Variants in MYO16 observed in about 807,000 individuals in gnomAD.
MYO16 encodes the protein myosin XVI.
A neutral mutation model predicts 205.3 loss-of-function variants in MYO16; 94 were observed. The observed-to-expected ratio is 0.46, with a 90% CI of 0.39 to 0.54. The LOEUF (loss-of-function observed/expected upper bound fraction) is 0.54, where lower values mean the gene tolerates loss of function less well. Ranked by LOEUF, MYO16 falls within the 20% of genes least tolerant of loss-of-function variation. The probability of loss-of-function intolerance (pLI) is 0.00; values close to 1 mark genes in which losing one functional copy is unlikely to be tolerated. For synonymous variants in MYO16, 988 were observed against 954.0 expected (o/e 1.04, Z -0.66); for missense variants, 2,315 against 2,387.5 (o/e 0.97, Z 0.63).
chr13:108,857,009 C>T (rs922796539), intron 11 of MYO16, among the ~76,000 whole-genome samples: 3 of 152,208 alleles, frequency 2.0e-5, no homozygotes, highest in African/African-American at 7.2e-5. Flanking sequence ...ATGCCCTGAA[C>T]AGTCACTGAG....
intron 2 of MYO16, among the ~76,000 whole-genome samples, chr13:108,679,747 AAAAT>A (rs1236572801): frequency 6.6e-6 from 1 of 150,986 alleles, no homozygotes; most frequent in East Asian, 1.9e-4. Context: ...ATAATAAATA[AAAAT>A]AAATAAAAAA....
intron 4 of MYO16, 144 bp downstream of exon 4, chr13:108,727,727 ATAAT>A: frequency 1.1e-6 from 1 of 894,630 alleles, no homozygotes; most frequent in East Asian, 2.7e-5. Flanking sequence ...AGAACACAAG[ATAAT>A]TAGAGACTAA....
At chr13:108,832,236 G>A (rs1273992389) in intron 9 of MYO16, among the ~76,000 whole-genome samples, 1 of 148,906 alleles carries the variant, frequency 6.7e-6, no homozygotes, top group African/African-American at 2.5e-5. Flanking sequence ...TCCGCCTCCT[G>A]GGCTCAAGAG....
chr13:108,807,098 A>G (rs1165994842), intron 7 of MYO16, among the ~76,000 whole-genome samples: 1 of 152,228 alleles, frequency 6.6e-6, no homozygotes, highest in Non-Finnish European at 1.5e-5. Flanking sequence ...TAGACTTCAT[A>G]TGCTTGCAGT....
chr13:108,744,975 A>C (rs1046771694), intron 4 of MYO16, among the ~76,000 whole-genome samples: 1 of 152,222 alleles, frequency 6.6e-6, no homozygotes, highest in African/African-American at 2.4e-5. Context: ...GATTAGAACC[A>C]TAATATTAGA....
intron 24 of MYO16, chr13:109,048,779 A>T (rs1218709950): frequency 6.5e-6 from 1 of 153,224 alleles, no homozygotes; most frequent in Non-Finnish European, 1.5e-5. Flanking sequence ...TCGTAGCATC[A>T]AAAAGCTCCC....
At chr13:109,132,299 C>T (rs1876577633) in intron 31 of MYO16, among the ~76,000 whole-genome samples, 1 of 152,168 alleles carries the variant, frequency 6.6e-6, no homozygotes, top group African/African-American at 2.4e-5. Context: ...TCCAGCTGTC[C>T]CCTCCTTGGG....
At chr13:108,962,070 T>C (rs1056636142) in intron 18 of MYO16, among the ~76,000 whole-genome samples, 3 of 152,172 alleles carry the variant, frequency 2.0e-5, no homozygotes, top group African/African-American at 7.2e-5. Context: ...CGCTCCCAGA[T>C]TTTTAAAAAA....
chr13:108,632,410 G>A (rs1446449561), intron 1 of MYO16, among the ~76,000 whole-genome samples: 5 of 152,134 alleles, frequency 3.3e-5, no homozygotes, highest in African/African-American at 1.2e-4. Flanking sequence ...TGCAACATTA[G>A]CATCCCATGT....
chr13:109,117,446 A>G (rs8002359), intron 28 of MYO16, among the ~76,000 whole-genome samples: 2 of 144,330 alleles, frequency 1.4e-5, no homozygotes, highest in Non-Finnish European at 3.0e-5. Flanking sequence ...ATGTATATAT[A>G]TGTATATATA....
rs758137530 is a variant in MYO16, at chr13:109,127,339, G to A, written c.3840G>A (p.Ala1280=). The A allele has an allele frequency of 6.2e-6, 10 of 1,611,664 alleles. No homozygotes were observed. The highest frequency in any genetic ancestry group is 1.3e-5 in the African/African-American group (1 of 74,882). The change falls in exon 31 of 35, where the codon GCG becomes GCA. Residue 1280 remains alanine, a synonymous_variant. Transcript: ENST00000457511. This position sits in a 1 kb window ranked among gnomAD's most constrained non-coding sequence, Gnocchi z 4.2. ...HFHPSSMSVC[A]AVDGLGQCLV... is the part of the protein sequence containing the mutation. ...ACCCCAGCTCCATGTCAGTCTGCGC[G>A]GCCGTGGATGGCCTGGGCCAGTGCC...
intron 27 of MYO16, among the ~76,000 whole-genome samples, chr13:109,064,212 A>G (rs1026670347): frequency 2.0e-5 from 3 of 152,190 alleles, no homozygotes; most frequent in Admixed American, 6.5e-5. Context: ...TTTGCCTCTT[A>G]GCATGCAAAG....
intron 1 of MYO16, among the ~76,000 whole-genome samples, chr13:108,663,727 G>T (rs1262607084): frequency 1.3e-5 from 2 of 152,132 alleles, no homozygotes; most frequent in East Asian, 3.9e-4. Context: ...CTTCTTAAGA[G>T]TTACAAACTA....
intron 12 of MYO16, among the ~76,000 whole-genome samples, chr13:108,880,618 GA>G (rs1164509835): frequency 1.3e-5 from 2 of 152,114 alleles, no homozygotes; most frequent in Non-Finnish European, 2.9e-5. Context: ...ATTAAATAGG[GA>G]ATCCTTTCCC....
At chr13:108,786,716 G>A (rs1342139219) in intron 5 of MYO16, among the ~76,000 whole-genome samples, 1 of 152,196 alleles carries the variant, frequency 6.6e-6, no homozygotes, top group East Asian at 1.9e-4. Flanking sequence ...CTCTGTGAAA[G>A]CAAGGTAGGT....
chr13:108,838,770 G>A (rs1412120562), intron 9 of MYO16, among the ~76,000 whole-genome samples: 14 of 145,474 alleles, frequency 9.6e-5, no homozygotes, highest in East Asian at 2.0e-4. Flanking sequence ...ACACACAAAT[G>A]CACACACACA....
At chr13:109,019,985 T>C (rs1320163962) in intron 23 of MYO16, 74 bp downstream of exon 23, 5 of 1,432,164 alleles carry the variant, frequency 3.5e-6, no homozygotes, top group Non-Finnish European at 2.9e-6. Context: ...TCTAGAGTTA[T>C]TGATATTTTA....
At position 108,705,642 on chromosome 13, in the gene MYO16, T is replaced by A. The variant is rs149186901; in HGVS notation, c.293-7019T>A. Among the ~76,000 whole-genome samples, 422 of 152,238 alleles carry A rather than the reference T, an allele frequency of 2.8e-3. 1 individual carries two copies. Among genetic ancestry groups the A allele is most frequent in the African/African-American group, 9.8e-3 (407 of 41,546 alleles). On this transcript the variant is annotated intron_variant, in intron 2 of 34. Coordinates refer to ENST00000457511, the MANE Select transcript of MYO16 (RefSeq NM_001198950.3). ...ATATACAATTTTGTTCTATCTGCAG[T>A]TTCAAGCATACACTGGAGATCTTGG...
the MYO16 span, among the ~76,000 whole-genome samples, chr13:108,527,952 C>A: frequency 6.6e-6 from 1 of 152,178 alleles, no homozygotes; most frequent in Non-Finnish European, 1.5e-5. Flanking sequence ...GCTTTATGAT[C>A]TGGTATCTGT....
Sources: allele counts gnomAD v4.1 joint callset (sites outside exome capture counted in the v4.1 genomes callset), GRCh38; gene constraint gnomAD v4.1.1; non-coding constraint Gnocchi (gnomAD v3.1); transcripts MANE v1.5; gene names NCBI Gene and HGNC (gene_info 2026-07-23, HGNC 2026-07-21).